FSTL5: variants seen among roughly 807,000 people sequenced by gnomAD.
FSTL5 encodes the protein follistatin-related protein 5.
Under a neutral mutation model 89.1 loss-of-function variants are expected in FSTL5, and 62 were observed. The ratio of observed to expected loss-of-function variants is 0.70; its 90% CI spans 0.57 to 0.86. The LOEUF (loss-of-function observed/expected upper bound fraction) is 0.86. Among genes scored for constraint, FSTL5 ranks in the 40% least tolerant of loss-of-function variants. The pLI is 0.00. For missense variants in FSTL5, 1,057 were observed against 1,001.6 expected, an observed-to-expected ratio of 1.06 and a Z score of -0.75; for synonymous variants, 383 against 346.2, an observed-to-expected ratio of 1.11 and a Z score of -1.18.
chr4:161,899,921 G>A lies in FSTL5; in HGVS notation c.409+20483C>T, dbSNP rs192311464. On this transcript the variant is annotated intron_variant, in intron 4 of 15. Coordinates refer to ENST00000306100, the MANE Select transcript of FSTL5 (RefSeq NM_020116.5). ...TAGAAAATCTTAGCTTTGGCTGAGC[G>A]TGGTGGCTCACTCCTGTAATACCAG... Among the ~76,000 whole-genome samples, 186 of 152,310 alleles carry A rather than the reference G, an allele frequency of 1.2e-3. 2 individuals are homozygous for A. Among genetic ancestry groups the A allele is most frequent in the African/African-American group, 3.9e-3 (161 of 41,570 alleles).
intron 1 of FSTL5, among the ~76,000 whole-genome samples, chr4:162,123,160 CT>C (rs1300321248): frequency 1.3e-5 from 2 of 152,070 alleles, no homozygotes. Context: ...TTCTTTAAAT[CT>C]GGACCTACAT....
At chr4:161,480,986 G>C in intron 13 of FSTL5, 34 bp downstream of exon 13, 1 of 1,441,324 alleles carries the variant, frequency 6.9e-7, no homozygotes, top group East Asian at 2.3e-5. Flanking sequence ...ATTTTTTAAA[G>C]ATTTACTTTT....
chr4:162,089,632 C>CAAAAAAAAA (rs755573032), intron 2 of FSTL5, among the ~76,000 whole-genome samples: 6 of 42,548 alleles, frequency 1.4e-4, no homozygotes, highest in African/African-American at 1.6e-4. Context: ...GAATCTGTCT[C>CAAAAAAAAA]AAAAAAAAAA....
intron 7 of FSTL5, among the ~76,000 whole-genome samples, chr4:161,627,588 T>C (rs1268178904): frequency 6.6e-6 from 1 of 152,138 alleles, no homozygotes; most frequent in Non-Finnish European, 1.5e-5. Context: ...TTTTGTTAGA[T>C]ACCTTTTTAC....
At chr4:161,690,718 A>G (rs527782214) in intron 6 of FSTL5, among the ~76,000 whole-genome samples, 101 of 152,214 alleles carry the variant, frequency 6.6e-4, no homozygotes, top group African/African-American at 2.4e-3. Flanking sequence ...AAGTTGTGTC[A>G]TGGGGGTTTG....
chr4:161,582,582 T>C (rs6536599), intron 8 of FSTL5, among the ~76,000 whole-genome samples: 150,565 of 152,300 alleles, frequency 0.99, 74,447 homozygotes, highest in Middle Eastern at 1. Flanking sequence ...AGGAACACAC[T>C]AAAAAAGAGA....
intron 15 of FSTL5, among the ~76,000 whole-genome samples, chr4:161,454,400 C>T (rs1417459418): frequency 6.6e-6 from 1 of 152,156 alleles, no homozygotes; most frequent in Non-Finnish European, 1.5e-5. Flanking sequence ...AGTTTTATAA[C>T]TAGAAGTTAA....
chr4:161,913,489 C>A (rs140148015), intron 4 of FSTL5, among the ~76,000 whole-genome samples: 10 of 152,268 alleles, frequency 6.6e-5, no homozygotes, highest in Admixed American at 1.3e-4. Context: ...ATTGAGCCTG[C>A]GTGTGCACAG....
intron 6 of FSTL5, among the ~76,000 whole-genome samples, chr4:161,730,338 C>A (rs900290066): frequency 3.3e-5 from 5 of 151,992 alleles, no homozygotes; most frequent in Non-Finnish European, 7.4e-5. Context: ...ATATAGTACT[C>A]TTCTGAACCC....
chr4:161,574,072 C>T (rs1273976129), intron 8 of FSTL5, among the ~76,000 whole-genome samples: 2 of 152,112 alleles, frequency 1.3e-5, no homozygotes, highest in African/African-American at 4.8e-5. Flanking sequence ...TCTGTTATCA[C>T]ATATCCTGCT....
In FSTL5 at chr4:162,079,270, C is replaced by T. The variant is rs567282993; in HGVS notation, c.126+32001G>A. Reference sequence around the variant, plus strand: ...GTGCAATGAATATCCTCTCAAGACGCATCCCATAAGTAATACAGCTCAGCA... The same window carrying T: ...GTGCAATGAATATCCTCTCAAGACGTATCCCATAAGTAATACAGCTCAGCA... On this transcript the variant is annotated intron_variant, in intron 2 of 15. Transcript: ENST00000306100. Among the ~76,000 whole-genome samples the T allele has an allele frequency of 1.4e-3, 219 of 151,790 alleles. No homozygotes were observed. In the Middle Eastern group the frequency reaches 0.017, roughly 12 times the overall value.
At chr4:162,071,490 A>T (rs917485136) in intron 2 of FSTL5, among the ~76,000 whole-genome samples, 2 of 151,746 alleles carry the variant, frequency 1.3e-5, no homozygotes, top group Non-Finnish European at 2.9e-5. Flanking sequence ...ACCCCGACAT[A>T]TAACGGAAAT....
intron 13 of FSTL5, among the ~76,000 whole-genome samples, chr4:161,461,953 G>T (rs1199146463): frequency 6.6e-6 from 1 of 151,930 alleles, no homozygotes; most frequent in Non-Finnish European, 1.5e-5. Context: ...AAATCTCATT[G>T]TTATTTAATT....
intron 6 of FSTL5, among the ~76,000 whole-genome samples, chr4:161,659,443 A>G (rs1736633046): frequency 6.8e-6 from 1 of 147,162 alleles, no homozygotes; most frequent in Admixed American, 6.8e-5. Flanking sequence ...GCCCATCTTT[A>G]TTTGTCTTGT....
intron 6 of FSTL5, among the ~76,000 whole-genome samples, chr4:161,713,902 A>C (rs1469649265): frequency 6.6e-6 from 1 of 152,086 alleles, no homozygotes; most frequent in Non-Finnish European, 1.5e-5. Flanking sequence ...TAATTCTTTG[A>C]CATCTATTGT....
intron 2 of FSTL5, among the ~76,000 whole-genome samples, chr4:162,075,004 A>G (rs1366732883): frequency 6.6e-6 from 1 of 151,756 alleles, no homozygotes; most frequent in Non-Finnish European, 1.5e-5. Context: ...TACTGAAAGT[A>G]AAAAACATAA....
chr4:161,590,170 G>T (rs1439148720), intron 7 of FSTL5, among the ~76,000 whole-genome samples: 1 of 152,032 alleles, frequency 6.6e-6, no homozygotes, highest in African/African-American at 2.4e-5. Flanking sequence ...TAGAGGAGAG[G>T]AAATATTTGA....
intron 7 of FSTL5, among the ~76,000 whole-genome samples, chr4:161,633,705 T>C (rs1412698738): frequency 2.6e-5 from 4 of 152,038 alleles, no homozygotes; most frequent in African/African-American, 9.7e-5. Context: ...CATGCTAGAG[T>C]GTTTAGTAAC....
At chr4:161,497,083 A>G (rs1730112339) in intron 12 of FSTL5, among the ~76,000 whole-genome samples, 1 of 152,180 alleles carries the variant, frequency 6.6e-6, no homozygotes, top group Non-Finnish European at 1.5e-5. Context: ...AATGTAGAAA[A>G]TATTACCTTC....
Sources: allele counts gnomAD v4.1 joint callset (sites outside exome capture counted in the v4.1 genomes callset), GRCh38; gene constraint gnomAD v4.1.1; transcripts MANE v1.5; gene names NCBI Gene and HGNC (gene_info 2026-07-23, HGNC 2026-07-21).